Variants in PCCA observed in about 807,000 individuals in gnomAD.
PCCA encodes propionyl-CoA carboxylase subunit alpha, also known as propionyl-CoA carboxylase alpha chain, mitochondrial.
In PCCA, 74 loss-of-function variants were observed where a neutral mutation model predicts 101.3. The observed-to-expected ratio is 0.73, with a 90% CI of 0.61 to 0.89. The LOEUF (loss-of-function observed/expected upper bound fraction) is 0.89, where lower values mean the gene tolerates loss of function less well. Ranked by LOEUF, PCCA falls within the 40% of genes least tolerant of loss-of-function variation. The pLI is 0.00. For missense variants in PCCA, 891 were observed against 907.0 expected (o/e 0.98, Z 0.23); for synonymous variants, 294 against 313.6 (o/e 0.94, Z 0.66).
intron 10 of PCCA, among the ~76,000 whole-genome samples, chr13:100,263,990 C>CGGTATCTGTATATCGTATATATAT (rs1566822455): frequency 1.4e-5 from 2 of 142,450 alleles, no homozygotes; most frequent in African/African-American, 5.2e-5. Flanking sequence ...GTCATATATA[C>CGGTATCTGTATATCGTATATATAT]GGTATCTGTA....
rs192216883 is a variant in PCCA, at chr13:100,423,945, G to A, written c.1747-1688G>A. On this transcript the variant is annotated intron_variant, in intron 19 of 23. Coordinates refer to ENST00000376285, the MANE Select transcript of PCCA (RefSeq NM_000282.4). The stretch of plus-strand genomic sequence containing the variant: ...TAACCACTGAGTAACATCTCTCGCT[G>A]TTGAGGCTTTGAAAGCCTTGAGGAG... 3.2e-4 allele frequency among the ~76,000 whole-genome samples: 49 copies of A among 152,326 alleles called. No individual in the cohort carries two copies. The East Asian group carries it at 9.3e-3, about 29-fold the overall frequency.
chr13:100,298,246 A>G (rs887603804), intron 12 of PCCA, among the ~76,000 whole-genome samples: 3 of 152,176 alleles, frequency 2.0e-5, no homozygotes, highest in Admixed American at 2.0e-4. Flanking sequence ...AGTGTGTTCC[A>G]TGGACTTGGC....
chr13:100,128,257 T>C (rs2050156199), intron 4 of PCCA, among the ~76,000 whole-genome samples: 1 of 152,180 alleles, frequency 6.6e-6, no homozygotes, highest in South Asian at 2.1e-4. Flanking sequence ...ATGTTGCTTC[T>C]CATACTAAGT....
At chr13:100,399,010 T>C (rs1189995550) in intron 19 of PCCA, among the ~76,000 whole-genome samples, 2 of 152,110 alleles carry the variant, frequency 1.3e-5, no homozygotes, top group African/African-American at 2.4e-5. Flanking sequence ...AAAGATGAAA[T>C]AGACGCATTG....
chr13:100,257,187 A>G (rs1423317959), intron 8 of PCCA, among the ~76,000 whole-genome samples: 1 of 152,142 alleles, frequency 6.6e-6, no homozygotes, highest in East Asian at 1.9e-4. Flanking sequence ...GAAAATCACC[A>G]TTTTTGAAAA....
intron 19 of PCCA, among the ~76,000 whole-genome samples, chr13:100,379,929 CCT>C (rs768310809): frequency 9.9e-5 from 15 of 152,088 alleles, no homozygotes; most frequent in Non-Finnish European, 1.8e-4. Flanking sequence ...CAACACAATT[CCT>C]GCCGAAGTCC....
At chr13:100,191,968 G>A (rs577309352) in intron 6 of PCCA, among the ~76,000 whole-genome samples, 25 of 152,228 alleles carry the variant, frequency 1.6e-4, no homozygotes, top group Non-Finnish European at 3.1e-4. Flanking sequence ...GCTCTGGTTG[G>A]AATTATTGAG....
At chr13:100,439,351 C>T (rs191448262) in intron 20 of PCCA, among the ~76,000 whole-genome samples, 315 of 152,110 alleles carry the variant, frequency 2.1e-3, no homozygotes, top group African/African-American at 7.3e-3. Flanking sequence ...AAAATTACAA[C>T]CATTTTTAAA....
At chr13:100,305,799 A>G (rs752545886) in intron 14 of PCCA, 1 of 446,556 alleles carries the variant, frequency 2.2e-6, no homozygotes, top group Non-Finnish European at 4.6e-6. Flanking sequence ...ATGTCCTGAA[A>G]TATGTTTTCA....
chr13:100,302,355 G>A lies in PCCA; in HGVS notation c.1210-569G>A, dbSNP rs570172511. 2.2e-3 allele frequency among the ~76,000 whole-genome samples: 331 copies of A among 152,122 alleles called. 2 individuals are homozygous for A. The highest frequency in any genetic ancestry group is 7.6e-3 in the African/African-American group (317 of 41,500). On this transcript the variant is annotated intron_variant, in intron 13 of 23. Transcript: ENST00000376285. The stretch of plus-strand genomic sequence containing the variant: ...AAGGAGTTCAAAAATATGTTTTGGC[G>A]TGACTGTATTGCTCTTGCTTTTTTC...
At chr13:100,342,154 A>G (rs2071467928) in intron 18 of PCCA, among the ~76,000 whole-genome samples, 2 of 151,884 alleles carry the variant, frequency 1.3e-5, no homozygotes, top group Non-Finnish European at 2.9e-5. Flanking sequence ...ACTGTAAAAA[A>G]TCTATCTTCC....
intron 21 of PCCA, among the ~76,000 whole-genome samples, chr13:100,512,452 C>T (rs549555564): frequency 1.3e-5 from 2 of 152,222 alleles, no homozygotes. Context: ...GTTCTGTTCT[C>T]ACTTACGTGG....
intron 8 of PCCA, among the ~76,000 whole-genome samples, chr13:100,238,877 A>G (rs2060963507): frequency 6.6e-6 from 1 of 152,236 alleles, no homozygotes; most frequent in Admixed American, 6.5e-5. Flanking sequence ...CAACTGATTT[A>G]TAATCAAACC....
intron 12 of PCCA, among the ~76,000 whole-genome samples, chr13:100,294,224 A>G (rs1486994309): frequency 6.6e-6 from 1 of 152,140 alleles, no homozygotes; most frequent in Admixed American, 6.5e-5. Flanking sequence ...ATGCTGGATT[A>G]GGGCCCACTC....
chr13:100,399,421 G>T (rs1415933080), intron 19 of PCCA, among the ~76,000 whole-genome samples: 1 of 152,106 alleles, frequency 6.6e-6, no homozygotes, highest in Non-Finnish European at 1.5e-5. Flanking sequence ...CTCCTTAAAA[G>T]AAATATAAAC....
In PCCA at chr13:100,309,915, A is replaced by G. The variant is rs16957276; in HGVS notation, c.1429+7A>G. 27,021 of 1,602,596 alleles carry G rather than the reference A, an allele frequency of 0.017. 272 individuals are homozygous for G. Among genetic ancestry groups the G allele is most frequent in the South Asian group, 0.022 (2,042 of 90,848 alleles). ...GATAACTATGTTATTCGAGGTAAAA[A>G]CAAAGATTTGCACTCGTTGGTTATT... On this transcript the variant is annotated splice_region_variant and intron_variant, in intron 16 of 23. Coordinates refer to ENST00000376285, the MANE Select transcript of PCCA (RefSeq NM_000282.4).
chr13:100,280,233 TA>T (rs1302503684), intron 12 of PCCA, among the ~76,000 whole-genome samples: 5 of 152,196 alleles, frequency 3.3e-5, no homozygotes, highest in Admixed American at 6.5e-5. Context: ...ATTTTTGCTT[TA>T]TTTTTTTTAA....
Position 100,457,891 on chromosome 13 carries a change from C to T in PCCA, c.1899+8586C>T, listed in dbSNP as rs74348182. On this transcript the variant is annotated intron_variant, in intron 21 of 23. Coordinates refer to ENST00000376285, the MANE Select transcript of PCCA (RefSeq NM_000282.4). ...GGAGGTTGTGTGTGACGCTGATGCT[C>T]CTGTCAGCATGAGTTCCTTCTGAAG... is the stretch of plus-strand genomic sequence containing the variant. Among the ~76,000 whole-genome samples the T allele has an allele frequency of 6.7e-3, 1,016 of 152,268 alleles. 14 individuals carry two copies. The highest frequency in any genetic ancestry group is 0.023 in the African/African-American group (974 of 41,568).
chr13:100,475,067 A>G (rs955612498), intron 21 of PCCA, among the ~76,000 whole-genome samples: 6 of 152,100 alleles, frequency 3.9e-5, no homozygotes, highest in Admixed American at 1.3e-4. Flanking sequence ...TTATTATTCA[A>G]GCTGAGGTCT....
Sources: allele counts gnomAD v4.1 joint callset (sites outside exome capture counted in the v4.1 genomes callset), GRCh38; gene constraint gnomAD v4.1.1; transcripts MANE v1.5; gene names NCBI Gene and HGNC (gene_info 2026-07-23, HGNC 2026-07-21).